The following ATG7 variants were observed in gnomAD, a reference collection of about 807,000 sequenced individuals.
The protein encoded by ATG7 is ubiquitin-like modifier-activating enzyme ATG7.
Under a neutral mutation model 82.4 loss-of-function variants are expected in ATG7, and 70 were observed. The observed-to-expected ratio is 0.85, with a 90% CI of 0.70 to 1.04. The LOEUF (loss-of-function observed/expected upper bound fraction) is 1.04, where lower values mean the gene tolerates loss of function less well. Ranked by LOEUF, ATG7 falls within the 50% of genes least tolerant of loss-of-function variation. The pLI, the probability that ATG7 is intolerant of heterozygous loss-of-function variation, is 0.00. For missense variants in ATG7, 792 were observed against 864.3 expected (o/e 0.92, Z 1.05); for synonymous variants, 287 against 313.0 (o/e 0.92, Z 0.88).
rs578014318 is a variant in ATG7 at position 11,381,823 on chromosome 3, C to T, written c.1956+1771C>T. Reference sequence around the variant, plus strand: ...CTGGAAAGGTTGCTTCATTGGTGCACGTATTTCCTTACAGTAGAAACGCAG... The same window carrying T: ...CTGGAAAGGTTGCTTCATTGGTGCATGTATTTCCTTACAGTAGAAACGCAG... On this transcript the variant is annotated intron_variant, in intron 19 of 20. Transcript: ENST00000693202. Among the ~76,000 whole-genome samples the T allele has an allele frequency of 6.6e-5, 10 of 152,292 alleles. No homozygotes were observed. The East Asian group carries it at 7.7e-4, about 12-fold the overall frequency.
chr3:11,436,557 G>A lies in ATG7; in HGVS notation c.2079+9631G>A, dbSNP rs370364227. 5.6e-4 allele frequency among the ~76,000 whole-genome samples: 85 copies of A among 152,258 alleles called. 1 individual carries two copies. The highest frequency in any genetic ancestry group is 1.9e-3 in the African/African-American group (81 of 41,552). On this transcript the variant is annotated intron_variant, in intron 20 of 20. Coordinates refer to ENST00000693202, the MANE Select transcript of ATG7 (RefSeq NM_001349232.2). ...CCAAAAATTGTATATGTGTGTGTGT[G>A]TATAAATATAGCCCAGAGAAATGAA...
intron 9 of ATG7, among the ~76,000 whole-genome samples, chr3:11,330,880 A>G (rs1951548180): frequency 6.6e-6 from 1 of 152,182 alleles, no homozygotes; most frequent in Admixed American, 6.5e-5. Context: ...TAGCAAAATC[A>G]AGAGTAACTG....
At chr3:11,506,540 A>G (rs1290554089) in intron 20 of ATG7, among the ~76,000 whole-genome samples, 2 of 136,128 alleles carry the variant, frequency 1.5e-5, no homozygotes, top group African/African-American at 2.9e-5. Context: ...CAACATGGTG[A>G]AACCCCATCT....
chr3:11,570,802 G>A, the ATG7 span, among the ~76,000 whole-genome samples: 2 of 152,120 alleles, frequency 1.3e-5, no homozygotes, highest in Non-Finnish European at 2.9e-5. Flanking sequence ...CCTCCTCCCT[G>A]CTTCTAAATG....
intron 18 of ATG7, among the ~76,000 whole-genome samples, chr3:11,374,796 C>T (rs909453060): frequency 3.4e-5 from 5 of 147,014 alleles, no homozygotes; most frequent in Non-Finnish European, 5.9e-5. Context: ...CCCAGCTACT[C>T]GGGAGGCTGA....
intron 20 of ATG7, among the ~76,000 whole-genome samples, chr3:11,529,963 C>G (rs1235891886): frequency 6.6e-6 from 1 of 152,182 alleles, no homozygotes; most frequent in African/African-American, 2.4e-5. Context: ...AGGAGGGGCC[C>G]AGAGACTTCC....
intron 9 of ATG7, among the ~76,000 whole-genome samples, chr3:11,325,452 A>G (rs568104345): frequency 6.6e-6 from 1 of 152,274 alleles, no homozygotes; most frequent in African/African-American, 2.4e-5. Context: ...TGGGCAGATC[A>G]CCTGAGGTCC....
rs200661669 is a variant in ATG7, at chr3:11,348,004, C to T, written c.1253C>T (p.Ala418Val). The T allele has an allele frequency of 2.0e-5, 32 of 1,613,838 alleles. No individual in the cohort carries two copies. The highest frequency in any genetic ancestry group is 4.4e-5 in the South Asian group (4 of 91,066). The change falls in exon 14 of 21, where the codon GCG becomes GTG. Residue 418 changes from alanine to valine, a missense_variant. By Grantham distance (64) the Ala-to-Val change is moderately conservative (BLOSUM62 0). Transcript: ENST00000693202. ...GGTAAGCCCAAGGCTCTGGCAGCAG[C>T]GGACCGGCTCCAGAAAATATTCCCC... ...GGGKPKALAA[A>V]DRLQKIFPGV...
chr3:11,292,619 T>A (rs1945173210), intron 3 of ATG7, among the ~76,000 whole-genome samples: 1 of 108,074 alleles, frequency 9.3e-6, no homozygotes, highest in Non-Finnish European at 1.9e-5. Flanking sequence ...AAATTGGAGC[T>A]ATTCCTTAGG....
intron 1 of ATG7, among the ~76,000 whole-genome samples, chr3:11,273,509 C>T (rs1940987310): frequency 6.6e-6 from 1 of 152,192 alleles, no homozygotes; most frequent in South Asian, 2.1e-4. Context: ...CTCTTCTCAC[C>T]TTTTCTTCTC....
chr3:11,342,247 A>T lies in ATG7; in HGVS notation c.1093A>T (p.Thr365Ser), dbSNP rs752312023. Residue 365 changes from threonine (T) to serine (S), a missense_variant, in exon 13 of 21, where the codon ACC becomes TCC. By Grantham distance (58) the Thr-to-Ser change is moderately conservative. Coordinates refer to ENST00000693202, the MANE Select transcript of ATG7 (RefSeq NM_001349232.2). The part of the protein sequence containing the change: ...SVKCLLLGAG[T>S]LGCNVARTLM... Reference sequence around the variant, plus strand: ...CAAATGTCTGCTGCTTGGAGCCGGCACCTTGGGTTGCAATGTAGCTAGGAC... The same window carrying T: ...CAAATGTCTGCTGCTTGGAGCCGGCTCCTTGGGTTGCAATGTAGCTAGGAC... The T allele has an allele frequency of 6.2e-7, 1 of 1,613,558 alleles. No homozygotes were observed. Among genetic ancestry groups the T allele is most frequent in the Non-Finnish European group, 8.5e-7 (1 of 1,179,978 alleles).
chr3:11,457,701 C>T (rs1418684564), intron 20 of ATG7, among the ~76,000 whole-genome samples: 1 of 152,106 alleles, frequency 6.6e-6, no homozygotes, highest in Non-Finnish European at 1.5e-5. Context: ...AATTTGTGTG[C>T]CCCTCGCTTA....
At chr3:11,486,384 T>C (rs1311894969) in intron 20 of ATG7, among the ~76,000 whole-genome samples, 1 of 152,228 alleles carries the variant, frequency 6.6e-6, no homozygotes, top group Non-Finnish European at 1.5e-5. Flanking sequence ...TGCACATTGA[T>C]TTTGTATACT....
intron 19 of ATG7, among the ~76,000 whole-genome samples, chr3:11,406,696 A>G (rs62245872): frequency 7.0e-4 from 107 of 152,318 alleles, no homozygotes; most frequent in Non-Finnish European, 1.1e-3. Flanking sequence ...GAAGGTAAGG[A>G]GGAGCAAGTC....
At chr3:11,312,562 C>T (rs1258078551) in intron 7 of ATG7, among the ~76,000 whole-genome samples, 5 of 152,216 alleles carry the variant, frequency 3.3e-5, no homozygotes, top group Non-Finnish European at 7.3e-5. Flanking sequence ...CGCTTTATCT[C>T]TGCTCTGTCC....
At chr3:11,449,815 T>C (rs1473931140) in intron 20 of ATG7, among the ~76,000 whole-genome samples, 2 of 152,146 alleles carry the variant, frequency 1.3e-5, no homozygotes, top group Non-Finnish European at 2.9e-5. Context: ...ATTAGTTGAA[T>C]GATAGGACAA....
rs1334939133 is a variant in ATG7, at chr3:11,299,402, C to G, written c.201C>G (p.Phe67Leu). 3.7e-6 allele frequency: 6 copies of G among 1,611,372 alleles called. No homozygotes were observed. Among genetic ancestry groups the G allele is most frequent in the Non-Finnish European group, 8.5e-7 (1 of 1,177,648 alleles). Residue 67 changes from phenylalanine (F) to leucine (L), a missense_variant, in exon 5 of 21, where the codon TTC becomes TTG. Coordinates refer to ENST00000693202, the MANE Select transcript of ATG7 (RefSeq NM_001349232.2). ...TGCCAGCTCGCTTAACATTGGAGTT[C>G]AGTGCTTTTGACATGTGAGTATTTA... Reference protein sequence around the residue: ...AGLPARLTLEFSAFDMSAPTP... With the variant: ...AGLPARLTLELSAFDMSAPTP...
the ATG7 span, among the ~76,000 whole-genome samples, chr3:11,573,214 G>A: frequency 1.1e-4 from 16 of 146,738 alleles, no homozygotes; most frequent in East Asian, 3.2e-3. Context: ...AGAAGAGAGA[G>A]AGAGAAAGAC....
intron 20 of ATG7, among the ~76,000 whole-genome samples, chr3:11,549,353 A>G (rs1357745403): frequency 6.6e-6 from 1 of 152,210 alleles, no homozygotes; most frequent in Non-Finnish European, 1.5e-5. Flanking sequence ...CTCCCATAGC[A>G]TGTGGTGAGA....
Sources: allele counts gnomAD v4.1 joint callset (sites outside exome capture counted in the v4.1 genomes callset), GRCh38; gene constraint gnomAD v4.1.1; transcripts MANE v1.5; gene names NCBI Gene and HGNC (gene_info 2026-07-23, HGNC 2026-07-21).